The following CPEB2 variants were observed in gnomAD, a reference collection of about 807,000 sequenced individuals.
The protein encoded by CPEB2 is cytoplasmic polyadenylation element-binding protein 2.
A neutral mutation model predicts 93.6 loss-of-function variants in CPEB2; 56 were observed. That is an observed-to-expected ratio of 0.60 (90% CI 0.48 to 0.75). CPEB2 has a LOEUF of 0.75. Ranked by LOEUF, CPEB2 falls within the 30% of genes least tolerant of loss-of-function variation. The pLI is 0.00. For missense variants in CPEB2, 1,579 were observed against 1,395.1 expected, an observed-to-expected ratio of 1.13 and a Z score of -2.10; for synonymous variants, 764 against 586.3, an observed-to-expected ratio of 1.30 and a Z score of -4.38.
At chr4:15,056,256 A>G (rs1577461423) in intron 8 of CPEB2, among the ~76,000 whole-genome samples, 1 of 152,274 alleles carries the variant, frequency 6.6e-6, no homozygotes, top group Non-Finnish European at 1.5e-5. Flanking sequence ...AAGGTATTGT[A>G]TATAGATAGA....
rs928670307 is a variant in CPEB2, at chr4:15,066,505, A to G, written c.*125A>G. 7 of 680,696 alleles carry G rather than the reference A, an allele frequency of 1.0e-5. No homozygotes were observed. The highest frequency in any genetic ancestry group is 1.8e-5 in the Non-Finnish European group (7 of 396,398). 42.2% of individuals were successfully genotyped at this position (680,696 alleles called of 1,614,324 possible). ...TGCTTTTCACCCCAGCTATCAATAC[A>G]TGCATCTTTATCAGCAGCCAAAACA... On this transcript the variant is annotated 3_prime_UTR_variant, in exon 12 of 12. Coordinates refer to ENST00000538197, the MANE Select transcript of CPEB2 (RefSeq NM_001177382.2).
chr4:15,054,348 C>G, intron 8 of CPEB2, 131 bp downstream of exon 8: 1 of 684,424 alleles, frequency 1.5e-6, no homozygotes, highest in Non-Finnish European at 2.5e-6. Context: ...AGACTCAGAT[C>G]AACAAATGTT....
intron 8 of CPEB2, among the ~76,000 whole-genome samples, chr4:15,054,587 C>A (rs1577458056): frequency 6.6e-6 from 1 of 151,176 alleles, no homozygotes; most frequent in East Asian, 1.9e-4. Context: ...AGATAAAAGA[C>A]AAAGTAGCTA....
chr4:15,028,560 G>A (rs1725727782), intron 4 of CPEB2, among the ~76,000 whole-genome samples: 1 of 152,008 alleles, frequency 6.6e-6, no homozygotes, highest in African/African-American at 2.4e-5. Context: ...TTTTAAAGAA[G>A]TATAGAGACA....
At chr4:15,016,646 TA>T (rs1268918764) in intron 3 of CPEB2, among the ~76,000 whole-genome samples, 8 of 151,982 alleles carry the variant, frequency 5.3e-5, no homozygotes, top group Non-Finnish European at 1.0e-4. Flanking sequence ...CTGTTCTGGT[TA>T]TTAGTATCTT....
chr4:15,038,513 C>G (rs1383009980), intron 5 of CPEB2, among the ~76,000 whole-genome samples: 1 of 152,010 alleles, frequency 6.6e-6, no homozygotes, highest in East Asian at 1.9e-4. Context: ...CCCTTCACAT[C>G]CTGTGAAGTG....
At chr4:15,037,678 G>A (rs1726758059) in intron 5 of CPEB2, among the ~76,000 whole-genome samples, 1 of 152,086 alleles carries the variant, frequency 6.6e-6, no homozygotes, top group Admixed American at 6.5e-5. Context: ...AATAAATAAG[G>A]ACACACATGT....
At chr4:15,027,644 A>C (rs1469650694) in intron 4 of CPEB2, among the ~76,000 whole-genome samples, 5 of 152,212 alleles carry the variant, frequency 3.3e-5, no homozygotes, top group Non-Finnish European at 7.4e-5. Context: ...CAATATTGGA[A>C]GAGTCTGTCA....
intron 3 of CPEB2, among the ~76,000 whole-genome samples, chr4:15,015,391 T>TA (rs1243047565): frequency 6.6e-6 from 1 of 152,000 alleles, no homozygotes; most frequent in Non-Finnish European, 1.5e-5. Flanking sequence ...AGAGTACTGA[T>TA]AGAGTTAATT....
chr4:15,046,229 T>G (rs192697264), intron 6 of CPEB2, among the ~76,000 whole-genome samples: 1 of 148,364 alleles, frequency 6.7e-6, no homozygotes, highest in Non-Finnish European at 1.5e-5. Flanking sequence ...TGTGTTGGCC[T>G]TTTTTTTTTG....
chr4:15,017,141 G>T, intron 3 of CPEB2, 47 bp from the exon 4 acceptor site: 1 of 1,103,412 alleles, frequency 9.1e-7, no homozygotes, highest in South Asian at 1.3e-5. Flanking sequence ...ATCGCTTTTT[G>T]AAAAAACTGC....
intron 4 of CPEB2, among the ~76,000 whole-genome samples, chr4:15,024,786 T>C (rs1339871798): frequency 6.7e-6 from 1 of 148,988 alleles, no homozygotes; most frequent in African/African-American, 2.5e-5. Context: ...TGCACTGTTG[T>C]CCAGGCTGGA....
At chr4:15,016,678 A>G (rs77893998) in intron 3 of CPEB2, among the ~76,000 whole-genome samples, 8,056 of 152,040 alleles carry the variant, frequency 0.053, 239 homozygotes, top group Non-Finnish European at 0.071. Flanking sequence ...TTTTTACCGT[A>G]TAAGATGTTT....
At chr4:15,048,958 T>C (rs750238706) in intron 6 of CPEB2, among the ~76,000 whole-genome samples, 65 of 152,074 alleles carry the variant, frequency 4.3e-4, no homozygotes, top group Non-Finnish European at 8.4e-4. Flanking sequence ...CAATGATATA[T>C]ATTCAGTTAA....
At chr4:15,048,618 G>C (rs1420546772) in intron 6 of CPEB2, among the ~76,000 whole-genome samples, 3 of 151,524 alleles carry the variant, frequency 2.0e-5, no homozygotes, top group Non-Finnish European at 4.4e-5. Context: ...TTTATTTGCT[G>C]TTCTTTTTCT....
At chr4:15,026,087 A>C (rs1725425350) in intron 4 of CPEB2, among the ~76,000 whole-genome samples, 1 of 152,154 alleles carries the variant, frequency 6.6e-6, no homozygotes. Flanking sequence ...TCTAATCTCT[A>C]GTCAATTTCT....
intron 4 of CPEB2, among the ~76,000 whole-genome samples, chr4:15,025,269 A>G (rs1287429735): frequency 6.6e-6 from 1 of 151,964 alleles, no homozygotes; most frequent in Non-Finnish European, 1.5e-5. Flanking sequence ...ATTACATCTT[A>G]TTCTTGTTGT....
intron 4 of CPEB2, among the ~76,000 whole-genome samples, chr4:15,021,970 CCT>C (rs1724861035): frequency 6.6e-6 from 1 of 152,014 alleles, no homozygotes; most frequent in African/African-American, 2.4e-5. Flanking sequence ...TCCACTTTTC[CCT>C]CTCTTTCTCT....
At chr4:15,056,616 A>G (rs1292652043) in intron 8 of CPEB2, among the ~76,000 whole-genome samples, 1 of 152,084 alleles carries the variant, frequency 6.6e-6, no homozygotes. Flanking sequence ...CTTTCAAGCA[A>G]TTTTATTATT....
Sources: gnomAD v4.1 joint callset for allele counts (sites outside exome capture counted in the v4.1 genomes callset) on GRCh38, gnomAD v4.1.1 for gene constraint, MANE v1.5 for transcripts, NCBI Gene and HGNC (gene_info 2026-07-23, HGNC 2026-07-21) for gene names.